The following VTA1 variants were observed in gnomAD, a reference collection of about 807,000 sequenced individuals.
VTA1 encodes the protein vacuolar protein sorting-associated protein VTA1 homolog.
In VTA1, 24 loss-of-function variants were observed where a neutral mutation model predicts 36.9. That is an observed-to-expected ratio of 0.65 (90% CI 0.47 to 0.91). VTA1 has a LOEUF of 0.91. Ranked by LOEUF, VTA1 falls within the 40% of genes least tolerant of loss-of-function variation. The pLI is 0.00. For missense variants in VTA1, 393 were observed against 377.2 expected (o/e 1.04, Z -0.35); for synonymous variants, 142 against 130.2 (o/e 1.09, Z -0.62).
intron 4 of VTA1, among the ~76,000 whole-genome samples, chr6:142,188,725 C>G (rs948294407): frequency 7.2e-6 from 1 of 139,210 alleles, no homozygotes; most frequent in African/African-American, 2.7e-5. Flanking sequence ...CTAGCACATC[C>G]AAAATTCTAA....
intron 7 of VTA1, among the ~76,000 whole-genome samples, chr6:142,208,251 CA>C (rs571084716): frequency 6.6e-5 from 10 of 151,366 alleles, no homozygotes; most frequent in Non-Finnish European, 1.3e-4. Context: ...AATAATTTTT[CA>C]AAAAAAATCA....
chr6:142,197,550 A>G (rs1299830750), intron 5 of VTA1, among the ~76,000 whole-genome samples: 1 of 152,046 alleles, frequency 6.6e-6, no homozygotes, highest in African/African-American at 2.4e-5. Flanking sequence ...ACTTTTCAAA[A>G]TGAAATATCT....
At chr6:142,151,113 A>G (rs1778560058) in intron 1 of VTA1, among the ~76,000 whole-genome samples, 1 of 152,134 alleles carries the variant, frequency 6.6e-6, no homozygotes, top group Non-Finnish European at 1.5e-5. Context: ...TTATTCTGCG[A>G]TATTAGCAGC....
Position 142,216,739 on chromosome 6 carries a change from G to A in VTA1, c.779-1759G>A, listed in dbSNP as rs543150676. ...TAACAGAGTTCTTGCCATTATACAC[G>A]TTTTACCTTATTAATAAGTGATATG... On this transcript the variant is annotated intron_variant, in intron 7 of 7. Transcript: ENST00000367630. 5.9e-5 allele frequency among the ~76,000 whole-genome samples: 9 copies of A among 152,112 alleles called. No individual in the cohort carries two copies. The South Asian group carries it at 1.0e-3, about 18-fold the overall frequency.
chr6:142,166,815 G>A (rs1774926564), intron 2 of VTA1, among the ~76,000 whole-genome samples: 1 of 152,018 alleles, frequency 6.6e-6, no homozygotes, highest in Non-Finnish European at 1.5e-5. Context: ...TGGTAGAGAT[G>A]GAGTTTGACC....
intron 4 of VTA1, among the ~76,000 whole-genome samples, chr6:142,174,738 G>A (rs974577308): frequency 8.5e-5 from 13 of 152,152 alleles, no homozygotes; most frequent in Non-Finnish European, 1.9e-4. Flanking sequence ...CATGGGGATG[G>A]ATCTTTTATG....
intron 5 of VTA1, among the ~76,000 whole-genome samples, chr6:142,192,714 G>A (rs1775478291): frequency 1.3e-5 from 2 of 151,682 alleles, no homozygotes; most frequent in Admixed American, 1.3e-4. Context: ...GTGTGTGTGT[G>A]TGTGTGTGTG....
Position 142,181,138 on chromosome 6 carries a change from CT to C in VTA1, c.412-8275del, listed in dbSNP as rs541820177. On this transcript the variant is annotated intron_variant, in intron 4 of 7. Transcript: ENST00000367630. ...ATATACACACACACACACAGACACA[CT>C]TTTTTTTTTTTTGATACGGAGTCTC... Among the ~76,000 whole-genome samples, 353 of 106,484 alleles carry C rather than the reference CT, an allele frequency of 3.3e-3. 1 individual carries two copies. The highest frequency in any genetic ancestry group is 8.8e-3 in the African/African-American group (281 of 31,756). 69.9% of individuals were successfully genotyped at this position (106,484 alleles called of 152,430 possible).
chr6:142,155,108 TTAGC>T (rs1562254362), intron 1 of VTA1, among the ~76,000 whole-genome samples: 1 of 152,194 alleles, frequency 6.6e-6, no homozygotes, highest in African/African-American at 2.4e-5. Flanking sequence ...TTGAAATTTA[TTAGC>T]TAGAGTTAAG....
chr6:142,155,218 C>T (rs1259236336), intron 1 of VTA1, among the ~76,000 whole-genome samples: 1 of 152,072 alleles, frequency 6.6e-6, no homozygotes, highest in Non-Finnish European at 1.5e-5. Flanking sequence ...GCGTTCAGAT[C>T]CTTGCTGACA....
In VTA1 at chr6:142,189,282, A is replaced by G. The variant is rs992773750; in HGVS notation, c.412-144A>G. On this transcript the variant is annotated intron_variant, in intron 4 of 7. Transcript: ENST00000367630. ...TAAATACTTGGTGGATTCCAGCAAT[A>G]GGGTGGGGTATTGCCAGTTTCTTTT... 4 of 563,182 alleles carry G rather than the reference A, an allele frequency of 7.1e-6. No individual in the cohort carries two copies. In the African/African-American group the frequency reaches 7.7e-5, roughly 11 times the overall value. The allele number at this position is 563,182 out of a possible 1,614,324, so 34.9% of individuals were successfully genotyped here. A position where few individuals can be genotyped will look rare whatever the true frequency, so the allele number is the denominator to read the frequency against.
chr6:142,158,184 A>G (rs1352541388), intron 1 of VTA1, among the ~76,000 whole-genome samples: 1 of 152,154 alleles, frequency 6.6e-6, no homozygotes, highest in Non-Finnish European at 1.5e-5. Context: ...AGCCCACAGC[A>G]TAATGTAAAA....
intron 4 of VTA1, among the ~76,000 whole-genome samples, chr6:142,180,714 C>T (rs2114655796): frequency 6.6e-6 from 1 of 152,226 alleles, no homozygotes; most frequent in South Asian, 2.1e-4. Flanking sequence ...ACGTCATGTG[C>T]ATCCTAATAA....
At chr6:142,214,433 T>A (rs922822860) in intron 7 of VTA1, among the ~76,000 whole-genome samples, 2 of 151,420 alleles carry the variant, frequency 1.3e-5, no homozygotes, top group African/African-American at 4.9e-5. Context: ...AATAGGAGAG[T>A]GAAGGGGGAA....
chr6:142,150,525 TG>T (rs1227779659), intron 1 of VTA1, among the ~76,000 whole-genome samples: 1 of 152,200 alleles, frequency 6.6e-6, no homozygotes, highest in Non-Finnish European at 1.5e-5. Flanking sequence ...AGTGCTTTTA[TG>T]TTGTATTGCC....
chr6:142,194,405 CATTT>C (rs1465380639), intron 5 of VTA1, among the ~76,000 whole-genome samples: 2 of 151,904 alleles, frequency 1.3e-5, no homozygotes, highest in East Asian at 1.9e-4. Context: ...TGTATCTTTC[CATTT>C]ATTTAAGTTT....
chr6:142,187,142 G>C (rs1312652980), intron 4 of VTA1, among the ~76,000 whole-genome samples: 1 of 152,124 alleles, frequency 6.6e-6, no homozygotes, highest in Non-Finnish European at 1.5e-5. Context: ...AATTCTATAT[G>C]AGTTATTATT....
At chr6:142,197,990 G>A (rs1775589215) in intron 5 of VTA1, among the ~76,000 whole-genome samples, 1 of 151,158 alleles carries the variant, frequency 6.6e-6, no homozygotes, top group Non-Finnish European at 1.5e-5. Context: ...CCAGCTACTC[G>A]GGAGGCTGAG....
intron 4 of VTA1, among the ~76,000 whole-genome samples, chr6:142,175,822 A>G (rs894696217): frequency 6.6e-6 from 1 of 151,940 alleles, no homozygotes; most frequent in African/African-American, 2.4e-5. Context: ...GTATAAAACT[A>G]AAGTCTATTT....
Sources: gnomAD v4.1 joint callset for allele counts (sites outside exome capture counted in the v4.1 genomes callset) on GRCh38, gnomAD v4.1.1 for gene constraint, MANE v1.5 for transcripts, NCBI Gene and HGNC (gene_info 2026-07-23, HGNC 2026-07-21) for gene names.